NOTCH2NLC: variants seen among roughly 807,000 people sequenced by gnomAD.
NOTCH2NLC encodes the protein notch homolog 2 N-terminal-like protein C.
In NOTCH2NLC, 4 loss-of-function variants were observed where a neutral mutation model predicts 17.7. The observed-to-expected ratio is 0.23, with a 90% CI of 0.11 to 0.52. The LOEUF (loss-of-function observed/expected upper bound fraction) is 0.52. Ranked by LOEUF, NOTCH2NLC falls within the 20% of genes least tolerant of loss-of-function variation. NOTCH2NLC has a pLI of 0.96. For synonymous variants in NOTCH2NLC, 18 were observed against 86.0 expected, an observed-to-expected ratio of 0.21 and a Z score of 4.38; for missense variants, 57 against 207.2, an observed-to-expected ratio of 0.28 and a Z score of 4.45.
chr1:149,395,528 A>G (rs1465525915), intron 1 of NOTCH2NLC, among the ~76,000 whole-genome samples: 2 of 150,428 alleles, frequency 1.3e-5, no homozygotes, highest in African/African-American at 4.9e-5. Context: ...CTCACTTCAA[A>G]GGCACTGCCA....
rs2084709726 is a variant in NOTCH2NLC at position 149,470,352 on chromosome 1, ATTTAC to A, written c.*6202_*6206del. 1.3e-5 allele frequency among the ~76,000 whole-genome samples: 2 copies of A among 151,232 alleles called. No individual in the cohort carries two copies. Among genetic ancestry groups the A allele is most frequent in the African/African-American group, 4.8e-5 (2 of 41,288 alleles). ...TGAGATATAATTTATATACCATACA[ATTTAC>A]TTCTTAAAAAAGTACACAATTCAGT... On this transcript the variant is annotated 3_prime_UTR_variant, in exon 5 of 5. Transcript: ENST00000650865.
In NOTCH2NLC at chr1:149,471,220, C is replaced by T. The variant is rs2084717035; in HGVS notation, c.*7067C>T. On this transcript the variant is annotated 3_prime_UTR_variant, in exon 5 of 5. Coordinates refer to ENST00000650865, the MANE Select transcript of NOTCH2NLC (RefSeq NM_001364013.2). Reference sequence around the variant, plus strand: ...GTTTTAAAAAAATATATCCTAAATACAAGTCTCTTATCAGATAATATGACT... The same window carrying T: ...GTTTTAAAAAAATATATCCTAAATATAAGTCTCTTATCAGATAATATGACT... Among the ~76,000 whole-genome samples, 1 of 151,228 alleles carries T rather than the reference C, an allele frequency of 6.6e-6. No homozygotes were observed. The highest frequency in any genetic ancestry group is 1.5e-5 in the Non-Finnish European group (1 of 67,656).
rs1440049476 is a variant in NOTCH2NLC, at chr1:149,398,948, G to C, written c.135+8026G>C. On this transcript the variant is annotated intron_variant, in intron 1 of 4. Coordinates refer to ENST00000650865, the MANE Select transcript of NOTCH2NLC (RefSeq NM_001364013.2). Reference sequence around the variant, plus strand: ...GTTGCAGAACCTGTTTCTGGGTTAAGAGTAGCTCTCTCACCCTTATTATAT... The same window carrying C: ...GTTGCAGAACCTGTTTCTGGGTTAACAGTAGCTCTCTCACCCTTATTATAT... Among the ~76,000 whole-genome samples, 329 of 152,296 alleles carry C rather than the reference G, an allele frequency of 2.2e-3. 1 individual carries two copies. Among genetic ancestry groups the C allele is most frequent in the African/African-American group, 7.5e-3 (312 of 41,544 alleles).
At chr1:149,401,553 GTTCT>G (rs2101465937) in intron 1 of NOTCH2NLC, among the ~76,000 whole-genome samples, 1 of 133,394 alleles carries the variant, frequency 7.5e-6, no homozygotes, top group South Asian at 2.5e-4. Context: ...TGATAGTGAA[GTTCT>G]TTCTCACTCT....
At chr1:149,435,973 T>C (rs1288485576) in intron 2 of NOTCH2NLC, among the ~76,000 whole-genome samples, 1 of 148,688 alleles carries the variant, frequency 6.7e-6, no homozygotes, top group African/African-American at 2.5e-5. Flanking sequence ...CTTATATCCC[T>C]TCTAGTTTAT....
At chr1:149,424,107 G>T (rs2084397501) in intron 1 of NOTCH2NLC, among the ~76,000 whole-genome samples, 1 of 151,304 alleles carries the variant, frequency 6.6e-6, no homozygotes, top group Non-Finnish European at 1.5e-5. Context: ...GGATACCTTA[G>T]CCTTATCCTT....
chr1:149,424,139 G>A (rs1477556293), intron 1 of NOTCH2NLC, among the ~76,000 whole-genome samples: 8 of 151,392 alleles, frequency 5.3e-5, no homozygotes, highest in Admixed American at 1.3e-4. Flanking sequence ...TTTCTGAGGC[G>A]CTGGAACTGG....
chr1:149,430,503 A>C (rs2084442235), intron 1 of NOTCH2NLC, among the ~76,000 whole-genome samples: 1 of 147,534 alleles, frequency 6.8e-6, no homozygotes, highest in Admixed American at 6.8e-5. Flanking sequence ...GTCCGTTTTA[A>C]AACTTCACCT....
chr1:149,390,728 G>A lies in NOTCH2NLC; in HGVS notation c.-60G>A. 2 of 1,253,252 alleles carry A rather than the reference G, an allele frequency of 1.6e-6. No individual in the cohort carries two copies. The highest frequency in any genetic ancestry group is 2.0e-6 in the Non-Finnish European group (2 of 998,722). The allele number at this position is 1,253,252 out of a possible 1,614,324, so 77.6% of individuals were successfully genotyped here. A position where few individuals can be genotyped will look rare whatever the true frequency, so the allele number is the denominator to read the frequency against. ...TTCGGACCGTAGCGCCAGGGCCTGA[G>A]CCTTTGAAGCAGGAGGAGGGGAGGA... is the stretch of plus-strand genomic sequence containing the variant. On this transcript the variant is annotated 5_prime_UTR_variant, in exon 1 of 5. Coordinates refer to ENST00000650865, the MANE Select transcript of NOTCH2NLC (RefSeq NM_001364013.2).
chr1:149,443,641 G>A (rs1470574162), intron 2 of NOTCH2NLC, among the ~76,000 whole-genome samples: 1 of 150,480 alleles, frequency 6.6e-6, no homozygotes, highest in Non-Finnish European at 1.5e-5. Context: ...AGCATTTTGG[G>A]CTGACTGAAC....
rs1369236504 is a variant in NOTCH2NLC at position 149,391,156 on chromosome 1, C to T, written c.135+234C>T. On this transcript the variant is annotated intron_variant, in intron 1 of 4. Coordinates refer to ENST00000650865, the MANE Select transcript of NOTCH2NLC (RefSeq NM_001364013.2). ...CCGGGGTTCCCCGCCGCCTCTGCTC[C>T]CCGCGGCCCGGGACCCCTCACACGC... 8.3e-3 allele frequency among the ~76,000 whole-genome samples: 392 copies of T among 47,322 alleles called. 4 individuals are homozygous for T. The highest frequency in any genetic ancestry group is 0.01 in the Non-Finnish European group (240 of 23,276). The allele number at this position is 47,322 out of a possible 152,430, so 31.0% of individuals were successfully genotyped here.
chr1:149,450,513 GC>G (rs2084585005), intron 2 of NOTCH2NLC, among the ~76,000 whole-genome samples: 1 of 128,104 alleles, frequency 7.8e-6, no homozygotes, highest in Non-Finnish European at 1.7e-5. Flanking sequence ...CATGCTACAT[GC>G]TTGTATTCAA....
At position 149,470,091 on chromosome 1, in the gene NOTCH2NLC, C is replaced by T. The variant is rs1190990173; in HGVS notation, c.*5938C>T. Reference sequence around the variant, plus strand: ...TTGTTGAAAGGGAACTCCGGGATCCCAGAAAACATATGGACTGCAATTGGG... The same window carrying T: ...TTGTTGAAAGGGAACTCCGGGATCCTAGAAAACATATGGACTGCAATTGGG... On this transcript the variant is annotated 3_prime_UTR_variant, in exon 5 of 5. Transcript: ENST00000650865. 0.075 allele frequency among the ~76,000 whole-genome samples: 8,585 copies of T among 113,722 alleles called. 4 individuals are homozygous for T. Among genetic ancestry groups the T allele is most frequent in the Non-Finnish European group, 0.13 (5,927 of 44,952 alleles). The allele number at this position is 113,722 out of a possible 152,430, so 74.6% of individuals were successfully genotyped here.
intron 1 of NOTCH2NLC, among the ~76,000 whole-genome samples, chr1:149,398,940 TG>T (rs1418570047): frequency 3.3e-5 from 5 of 151,532 alleles, no homozygotes; most frequent in African/African-American, 1.2e-4. Context: ...AACCTGTTTC[TG>T]GGTTAAGAGT....
At chr1:149,419,199 T>C (rs2084364819) in intron 1 of NOTCH2NLC, among the ~76,000 whole-genome samples, 1 of 149,210 alleles carries the variant, frequency 6.7e-6, no homozygotes, top group Non-Finnish European at 1.5e-5. Flanking sequence ...ATTTAATATA[T>C]TGGAATTTAT....
intron 3 of NOTCH2NLC, among the ~76,000 whole-genome samples, chr1:149,461,910 C>T (rs2101513250): frequency 7.1e-6 from 1 of 140,866 alleles, no homozygotes; most frequent in East Asian, 2.1e-4. Flanking sequence ...CATGTTCTCA[C>T]TCATAGGTGG....
chr1:149,461,135 A>G lies in NOTCH2NLC; in HGVS notation c.470-2356A>G, dbSNP rs1220073978. Among the ~76,000 whole-genome samples the G allele has an allele frequency of 2.0e-5, 3 of 150,050 alleles. 1 individual carries two copies. Among genetic ancestry groups the G allele is most frequent in the South Asian group, 4.2e-4 (2 of 4,730 alleles). On this transcript the variant is annotated intron_variant, in intron 3 of 4. Coordinates refer to ENST00000650865, the MANE Select transcript of NOTCH2NLC (RefSeq NM_001364013.2). ...GTTTTAGAAAAGATGGCGTTTCACC[A>G]TGTTGGCCAGGCTGGTCTCAAACTC...
rs1348984035 is a variant in NOTCH2NLC, at chr1:149,467,749, T to TTTA, written c.*3598_*3599insATT. ...TAGACTAGTTTTGTGTTTGTGGCTA[T>TTTA]TTTAATAGAGTAGCACAAGTAATCA... On this transcript the variant is annotated 3_prime_UTR_variant, in exon 5 of 5. Transcript: ENST00000650865. 1.2e-5 allele frequency: 1 copy of TTTA among 83,536 alleles called. No individual in the cohort carries two copies. The highest frequency in any genetic ancestry group is 4.7e-5 in the African/African-American group (1 of 21,146). 5.2% of individuals were successfully genotyped at this position (83,536 alleles called of 1,614,324 possible).
intron 2 of NOTCH2NLC, among the ~76,000 whole-genome samples, chr1:149,445,560 C>T (rs1218959236): frequency 2.7e-5 from 4 of 149,846 alleles, no homozygotes; most frequent in Non-Finnish European, 4.5e-5. Context: ...CAGCTCCCCC[C>T]TCTAGAGCTC....
Sources: gnomAD v4.1 joint callset for allele counts (sites outside exome capture counted in the v4.1 genomes callset) on GRCh38, gnomAD v4.1.1 for gene constraint, MANE v1.5 for transcripts, NCBI Gene and HGNC (gene_info 2026-07-23, HGNC 2026-07-21) for gene names.